The following SUSD6 variants were observed in gnomAD, a reference collection of about 807,000 sequenced individuals.
The protein encoded by SUSD6 is sushi domain-containing protein 6.
A neutral mutation model predicts 28.4 loss-of-function variants in SUSD6; 16 were observed. That is an observed-to-expected ratio of 0.56 (90% CI 0.38 to 0.86). The LOEUF is 0.86. Ranked by LOEUF, SUSD6 falls within the 40% of genes least tolerant of loss-of-function variation. The pLI is 0.00. For missense variants in SUSD6, 341 were observed against 384.2 expected, an observed-to-expected ratio of 0.89 and a Z score of 0.94; for synonymous variants, 147 against 159.6, an observed-to-expected ratio of 0.92 and a Z score of 0.59.
intron 1 of SUSD6, among the ~76,000 whole-genome samples, chr14:69,630,301 A>G (rs2139596601): frequency 6.6e-6 from 1 of 152,370 alleles, no homozygotes; most frequent in East Asian, 1.9e-4. Context: ...TGTGGAAGTC[A>G]GGGAGTAGAG....
intron 3 of SUSD6, 91 bp from the exon 4 acceptor site, chr14:69,704,513 A>G: frequency 2.3e-6 from 3 of 1,330,516 alleles, no homozygotes; most frequent in African/African-American, 1.5e-5. Context: ...TGCACCATTC[A>G]GGAGGCATTT....
rs79452791 is a variant in SUSD6 at position 69,639,868 on chromosome 14, G to C, written c.-80-18645G>C. Among the ~76,000 whole-genome samples, 1,266 of 151,828 alleles carry C rather than the reference G, an allele frequency of 8.3e-3. 12 individuals are homozygous for C. Among genetic ancestry groups the C allele is most frequent in the African/African-American group, 0.029 (1,203 of 41,364 alleles). ...CCTCTAGACATTGCCAAATGGGGGA[G>C]GTGGCACAAAATTGGTCCCAGTTAG... On this transcript the variant is annotated intron_variant, in intron 1 of 5. Coordinates refer to ENST00000342745, the MANE Select transcript of SUSD6 (RefSeq NM_014734.4).
At chr14:69,660,193 A>G (rs946213626) in intron 2 of SUSD6, among the ~76,000 whole-genome samples, 42 of 152,218 alleles carry the variant, frequency 2.8e-4, no homozygotes, top group African/African-American at 9.9e-4. Flanking sequence ...TTCATTCTCT[A>G]TCAGCTCCCA....
chr14:69,628,975 G>T (rs1299270830), intron 1 of SUSD6, among the ~76,000 whole-genome samples: 1 of 152,098 alleles, frequency 6.6e-6, no homozygotes, highest in African/African-American at 2.4e-5. Context: ...CCAAAGTGCT[G>T]GGATTACAAG....
intron 2 of SUSD6, among the ~76,000 whole-genome samples, chr14:69,667,126 T>C (rs1300193085): frequency 1.3e-5 from 2 of 152,150 alleles, no homozygotes; most frequent in South Asian, 2.1e-4. Flanking sequence ...GAGAATGTCA[T>C]TGGGATTGTT....
chr14:69,703,581 G>T lies in SUSD6; in HGVS notation c.308G>T (p.Arg103Leu), dbSNP rs371986464. ...EWKPAMEISC[R>L]LNEDKDTHTS... ...AAACCAGCCATGGAGATTAGCTGCC[G>T]TCTCAACGAGGGTCAGTCTGGCAGA... The change falls in exon 3 of 6, where the codon CGT becomes CTT. Residue 103 changes from arginine to leucine, a missense_variant. By Grantham distance (102) the Arg-to-Leu change is moderately radical (BLOSUM62 -2). Transcript: ENST00000342745. 1.4e-5 allele frequency: 22 copies of T among 1,614,112 alleles called. No homozygotes were observed. In the East Asian group the frequency reaches 4.5e-4, roughly 33 times the overall value.
At chr14:69,687,854 T>C (rs923025889) in intron 2 of SUSD6, among the ~76,000 whole-genome samples, 3 of 152,192 alleles carry the variant, frequency 2.0e-5, no homozygotes, top group African/African-American at 7.2e-5. Context: ...AGATTGCAAT[T>C]AGATGCTTTT....
At chr14:69,647,681 T>A (rs913731323) in intron 1 of SUSD6, among the ~76,000 whole-genome samples, 2 of 148,478 alleles carry the variant, frequency 1.3e-5, no homozygotes, top group Non-Finnish European at 3.0e-5. Context: ...AAGGAGAAAG[T>A]GACTTAAAGA....
chr14:69,614,136 C>T (rs551982228), intron 1 of SUSD6, among the ~76,000 whole-genome samples: 146 of 152,256 alleles, frequency 9.6e-4, no homozygotes, highest in Non-Finnish European at 1.5e-3. Context: ...GGCACGATCT[C>T]GGCTCACTGC....
chr14:69,640,090 C>T lies in SUSD6; in HGVS notation c.-80-18423C>T, dbSNP rs187565976. Among the ~76,000 whole-genome samples the T allele has an allele frequency of 1.9e-4, 28 of 149,868 alleles. 1 individual carries two copies. Among genetic ancestry groups the T allele is most frequent in the Admixed American group, 1.5e-3 (22 of 14,900 alleles). ...AGTTTAGTGGGGGAGGGAGGAACCA[C>T]GAAACTATTAACTATAGACTCCCGG... On this transcript the variant is annotated intron_variant, in intron 1 of 5. Transcript: ENST00000342745.
intron 2 of SUSD6, among the ~76,000 whole-genome samples, chr14:69,699,849 G>T (rs1194055077): frequency 1.3e-5 from 2 of 152,074 alleles, no homozygotes; most frequent in Non-Finnish European, 2.9e-5. Flanking sequence ...AAAATGGGTT[G>T]CACTTCTGCA....
At chr14:69,673,457 A>G (rs536357145) in intron 2 of SUSD6, among the ~76,000 whole-genome samples, 1 of 152,272 alleles carries the variant, frequency 6.6e-6, no homozygotes, top group East Asian at 1.9e-4. Flanking sequence ...TTTCAGAGCA[A>G]ATTTTGCTGA....
chr14:69,647,300 T>C (rs1156620394), intron 1 of SUSD6, among the ~76,000 whole-genome samples: 1 of 151,894 alleles, frequency 6.6e-6, no homozygotes, highest in Non-Finnish European at 1.5e-5. Flanking sequence ...TAGAAAGGGG[T>C]GGATTGGTCA....
intron 2 of SUSD6, among the ~76,000 whole-genome samples, chr14:69,697,810 G>A (rs1486552438): frequency 1.3e-5 from 2 of 152,192 alleles, no homozygotes; most frequent in African/African-American, 4.8e-5. Flanking sequence ...TATTAGAAAA[G>A]CTCATATTTG....
At chr14:69,707,642 G>A (rs1886404244) in intron 4 of SUSD6, among the ~76,000 whole-genome samples, 1 of 152,188 alleles carries the variant, frequency 6.6e-6, no homozygotes, top group Non-Finnish European at 1.5e-5. Flanking sequence ...AGCTACTTGG[G>A]AGGCTGAAGT....
chr14:69,613,646 T>C (rs541893641), intron 1 of SUSD6, among the ~76,000 whole-genome samples: 43 of 152,384 alleles, frequency 2.8e-4, no homozygotes, highest in Middle Eastern at 3.4e-3. Flanking sequence ...CCATTTGTTT[T>C]GGTTTATGTT....
intron 2 of SUSD6, among the ~76,000 whole-genome samples, chr14:69,672,313 A>T (rs569536189): frequency 2.0e-5 from 3 of 151,110 alleles, no homozygotes; most frequent in Admixed American, 6.6e-5. Context: ...GATCATTAAA[A>T]TTTTTTTTTT....
chr14:69,705,226 G>A (rs1886370918), intron 4 of SUSD6, among the ~76,000 whole-genome samples: 1 of 151,738 alleles, frequency 6.6e-6, no homozygotes, highest in Non-Finnish European at 1.5e-5. Flanking sequence ...GCTGAGGCAG[G>A]AGAATCACTT....
chr14:69,653,402 C>T (rs1363365120), intron 1 of SUSD6, among the ~76,000 whole-genome samples: 2 of 152,114 alleles, frequency 1.3e-5, no homozygotes, highest in African/African-American at 4.8e-5. Flanking sequence ...AGGGTAGAAG[C>T]GGTGAAGAAT....
Sources: allele counts gnomAD v4.1 joint callset (sites outside exome capture counted in the v4.1 genomes callset), GRCh38; gene constraint gnomAD v4.1.1; transcripts MANE v1.5; gene names NCBI Gene and HGNC (gene_info 2026-07-23, HGNC 2026-07-21).